Variants in LARGE1 observed in about 807,000 individuals in gnomAD.
The protein encoded by LARGE1 is LARGE xylosyl- and glucuronyltransferase 1.
Under a neutral mutation model 87.6 loss-of-function variants are expected in LARGE1, and 43 were observed. The observed-to-expected ratio is 0.49, with a 90% CI of 0.38 to 0.63. The LOEUF (loss-of-function observed/expected upper bound fraction) is 0.63, where lower values mean the gene tolerates loss of function less well. Among genes scored for constraint, LARGE1 ranks in the 30% least tolerant of loss-of-function variants. LARGE1 has a pLI of 0.00. For missense variants in LARGE1, 802 were observed against 1,000.2 expected (o/e 0.80, Z 2.67); for synonymous variants, 434 against 394.6 (o/e 1.10, Z -1.18).
intron 6 of LARGE1, among the ~76,000 whole-genome samples, chr22:33,537,389 A>G (rs1401675486): frequency 1.3e-5 from 2 of 151,918 alleles, no homozygotes; most frequent in Admixed American, 6.6e-5. Context: ...CATCACTCCA[A>G]TCTCTGCTTC....
chr22:33,511,732 G>A (rs1028009264), intron 6 of LARGE1, among the ~76,000 whole-genome samples: 5 of 152,164 alleles, frequency 3.3e-5, no homozygotes, highest in Non-Finnish European at 7.4e-5. Flanking sequence ...GGCAAGTTCT[G>A]CTCATTCCAT....
At chr22:33,671,154 A>C (rs2081398224) in intron 2 of LARGE1, among the ~76,000 whole-genome samples, 5 of 152,186 alleles carry the variant, frequency 3.3e-5, no homozygotes, top group Non-Finnish European at 5.9e-5. Flanking sequence ...AAAACTTGGA[A>C]CTTTATCCTG....
In LARGE1 at chr22:33,308,038, C is replaced by T. The variant is rs575380740; in HGVS notation, c.1452-3531G>A. On this transcript the variant is annotated intron_variant, in intron 11 of 14. Coordinates refer to ENST00000397394, the MANE Select transcript of LARGE1 (RefSeq NM_133642.5). ...CACTACCCCATCGAGCCCACCACTGCTTCATCTAGGGAGGGGTGGGCAAAG... is the reference window on the plus strand; with the variant it reads ...CACTACCCCATCGAGCCCACCACTGTTTCATCTAGGGAGGGGTGGGCAAAG... Among the ~76,000 whole-genome samples, 5 of 152,272 alleles carry T rather than the reference C, an allele frequency of 3.3e-5. No homozygotes were observed. In the South Asian group the frequency reaches 1.0e-3, roughly 32 times the overall value.
chr22:33,487,053 C>T (rs1447013296), intron 6 of LARGE1, among the ~76,000 whole-genome samples: 5 of 152,178 alleles, frequency 3.3e-5, no homozygotes, highest in African/African-American at 9.7e-5. Context: ...CAGCCTAAGT[C>T]TATTCTCTAG....
intron 1 of LARGE1, among the ~76,000 whole-genome samples, chr22:33,869,719 A>G (rs1423214404): frequency 6.6e-6 from 1 of 152,192 alleles, no homozygotes. Flanking sequence ...CTTTCTCCCC[A>G]TTTCAGAGAT....
chr22:33,798,877 C>G (rs2086070196), intron 1 of LARGE1, among the ~76,000 whole-genome samples: 1 of 152,154 alleles, frequency 6.6e-6, no homozygotes, highest in African/African-American at 2.4e-5. Flanking sequence ...AGCACGAGCA[C>G]ATACATCCTA....
chr22:33,839,901 G>A (rs559448044), intron 1 of LARGE1, among the ~76,000 whole-genome samples: 1 of 152,314 alleles, frequency 6.6e-6, no homozygotes, highest in African/African-American at 2.4e-5. Context: ...CCTGGACCCA[G>A]GAAACGTGGG....
In LARGE1 at chr22:33,920,345, C is replaced by A. The variant is rs1402333946; in HGVS notation, c.-433G>T. The A allele has an allele frequency of 6.6e-6, 1 of 151,962 alleles. No individual in the cohort carries two copies. Among genetic ancestry groups the A allele is most frequent in the Non-Finnish European group, 1.5e-5 (1 of 68,068 alleles). 9.4% of individuals were successfully genotyped at this position (151,962 alleles called of 1,614,324 possible). A position where few individuals can be genotyped will look rare whatever the true frequency, so the allele number is the denominator to read the frequency against. Reference sequence around the variant, plus strand: ...GGAGCGACCGCCGGGGCCGACTCCACCTCCCGCGCTCCAAGCCGATTCGTC... The same window carrying A: ...GGAGCGACCGCCGGGGCCGACTCCAACTCCCGCGCTCCAAGCCGATTCGTC... On this transcript the variant is annotated 5_prime_UTR_variant, in exon 1 of 15. Coordinates refer to ENST00000397394, the MANE Select transcript of LARGE1 (RefSeq NM_133642.5).
At chr22:33,099,381 G>A in the LARGE1 span, among the ~76,000 whole-genome samples, 7 of 148,694 alleles carry the variant, frequency 4.7e-5, no homozygotes, top group Non-Finnish European at 7.6e-5. Context: ...AGCCTCCCAA[G>A]TAGCTGGGAT....
At chr22:33,698,457 C>T (rs1437651032) in intron 2 of LARGE1, among the ~76,000 whole-genome samples, 10 of 151,690 alleles carry the variant, frequency 6.6e-5, no homozygotes, top group African/African-American at 1.9e-4. Context: ...CACACCACCA[C>T]GCTCGGCTAA....
intron 12 of LARGE1, among the ~76,000 whole-genome samples, chr22:33,289,854 C>T (rs186969653): frequency 2.6e-4 from 40 of 152,164 alleles, no homozygotes; most frequent in African/African-American, 8.4e-4. Context: ...CTTTTTTCCC[C>T]GAGCCCCTCC....
chr22:33,741,898 G>C (rs2083897328), intron 2 of LARGE1, among the ~76,000 whole-genome samples: 1 of 152,176 alleles, frequency 6.6e-6, no homozygotes, highest in Non-Finnish European at 1.5e-5. Context: ...CTCTGTTCGG[G>C]CAAAGAACTG....
intron 5 of LARGE1, among the ~76,000 whole-genome samples, chr22:33,588,010 T>C (rs897249439): frequency 2.0e-5 from 3 of 152,218 alleles, no homozygotes; most frequent in African/African-American, 7.2e-5. Flanking sequence ...GAACTTAAGT[T>C]ATCGGCCTTC....
chr22:33,762,241 A>AAAG (rs1491136215), intron 1 of LARGE1, among the ~76,000 whole-genome samples: 76 of 133,270 alleles, frequency 5.7e-4, no homozygotes, highest in South Asian at 9.8e-4. Flanking sequence ...AAAAAAAAAA[A>AAAG]GACTAGACCA....
the LARGE1 span, among the ~76,000 whole-genome samples, chr22:33,089,744 G>T: frequency 7.0e-6 from 1 of 143,158 alleles, no homozygotes; most frequent in African/African-American, 2.7e-5. Flanking sequence ...TGATCTTCCT[G>T]CCTTGGTCTC....
At chr22:33,227,127 T>C (rs1349683069) in intron 11 of LARGE1, among the ~76,000 whole-genome samples, 2 of 152,216 alleles carry the variant, frequency 1.3e-5, no homozygotes, top group Non-Finnish European at 2.9e-5. Context: ...TATTAGCTCA[T>C]TTAATTTTTA....
intron 6 of LARGE1, among the ~76,000 whole-genome samples, chr22:33,512,264 G>A (rs2071090826): frequency 2.6e-5 from 4 of 152,072 alleles, no homozygotes; most frequent in Admixed American, 1.3e-4. Flanking sequence ...GTATGCCAAA[G>A]AAATTCAACA....
At chr22:33,611,054 G>T (rs185225299) in intron 4 of LARGE1, among the ~76,000 whole-genome samples, 2 of 152,342 alleles carry the variant, frequency 1.3e-5, no homozygotes, top group East Asian at 3.9e-4. Flanking sequence ...GTATAAGAAA[G>T]CCTGGGTGCC....
chr22:33,282,601 G>A (rs1049364315), intron 13 of LARGE1, among the ~76,000 whole-genome samples: 1 of 152,124 alleles, frequency 6.6e-6, no homozygotes, highest in Non-Finnish European at 1.5e-5. Flanking sequence ...TGCAGGACTC[G>A]GGGGCCTGGG....
Sources: allele counts gnomAD v4.1 joint callset (sites outside exome capture counted in the v4.1 genomes callset), GRCh38; gene constraint gnomAD v4.1.1; transcripts MANE v1.5; gene names NCBI Gene and HGNC (gene_info 2026-07-23, HGNC 2026-07-21).